Variants in UNC79 observed in about 807,000 individuals in gnomAD.
UNC79 encodes the protein unc-79 subunit of NALCN channel complex, also known as protein unc-79 homolog.
Under a neutral mutation model 283.1 loss-of-function variants are expected in UNC79, and 37 were observed. The observed-to-expected ratio is 0.13, with a 90% CI of 0.10 to 0.17. The LOEUF (loss-of-function observed/expected upper bound fraction) is 0.17. Ranked by LOEUF, UNC79 falls within the 10% of genes least tolerant of loss-of-function variation. UNC79 has a pLI of 1.00. For synonymous variants in UNC79, 1,107 were observed against 1,200.2 expected (o/e 0.92, Z 1.61); for missense variants, 2,272 against 3,211.1 (o/e 0.71, Z 7.07).
At chr14:93,659,333 G>A (rs2140415559) in intron 39 of UNC79, 72 bp downstream of exon 42, 2 of 1,242,814 alleles carry the variant, frequency 1.6e-6, no homozygotes, top group Non-Finnish European at 2.3e-6. Context: ...TAGGCTTGTA[G>A]CAATACTGAA....
chr14:93,674,585 T>C (rs1188218462), intron 41 of UNC79, among the ~76,000 whole-genome samples: 1 of 152,172 alleles, frequency 6.6e-6, no homozygotes, highest in African/African-American at 2.4e-5. Flanking sequence ...CACTCGCTGA[T>C]GAGCATTAAG....
At chr14:93,390,098 A>G (rs184866722) in intron 1 of UNC79, among the ~76,000 whole-genome samples, 29 of 152,364 alleles carry the variant, frequency 1.9e-4, no homozygotes, top group African/African-American at 4.3e-4. Context: ...CCAGTGACCT[A>G]TGAGAAGATA....
chr14:93,468,297 A>G (rs991788978), intron 2 of UNC79, among the ~76,000 whole-genome samples: 2 of 152,208 alleles, frequency 1.3e-5, no homozygotes, highest in Non-Finnish European at 2.9e-5. Context: ...ACAAGGAAAA[A>G]AAATAGGGCT....
At chr14:93,624,589 G>A (rs965162146) in intron 30 of UNC79, among the ~76,000 whole-genome samples, 1 of 152,176 alleles carries the variant, frequency 6.6e-6, no homozygotes, top group African/African-American at 2.4e-5. Context: ...ATGTTTGATT[G>A]TTCCCCAGAC....
chr14:93,339,466 A>G (rs2053653967), intron 1 of UNC79, among the ~76,000 whole-genome samples: 1 of 151,888 alleles, frequency 6.6e-6, no homozygotes, highest in South Asian at 2.1e-4. Context: ...CGCCCGGCTA[A>G]TTTTTTGTAT....
At chr14:93,656,952 A>G (rs1000502727) in intron 38 of UNC79, among the ~76,000 whole-genome samples, 4 of 152,240 alleles carry the variant, frequency 2.6e-5, no homozygotes, top group Non-Finnish European at 4.4e-5. Flanking sequence ...AACATAAGAT[A>G]CTTGATAAAG....
chr14:93,548,391 C>G (rs1010160474), intron 14 of UNC79, among the ~76,000 whole-genome samples: 1 of 152,164 alleles, frequency 6.6e-6, no homozygotes, highest in Non-Finnish European at 1.5e-5. Context: ...AGGTTTCACC[C>G]TAAGAACTTT....
chr14:93,417,130 A>G (rs1595450024), intron 1 of UNC79, among the ~76,000 whole-genome samples: 2 of 152,182 alleles, frequency 1.3e-5, no homozygotes, highest in South Asian at 2.1e-4. Flanking sequence ...TGGTCTTTAC[A>G]ATTTGGCATG....
chr14:93,375,780 A>G (rs1595403070), intron 1 of UNC79, among the ~76,000 whole-genome samples: 1 of 152,150 alleles, frequency 6.6e-6, no homozygotes, highest in Non-Finnish European at 1.5e-5. Flanking sequence ...GCACTAAACC[A>G]TTCATGACGG....
At chr14:93,394,101 G>C (rs1304711517) in intron 1 of UNC79, among the ~76,000 whole-genome samples, 1 of 151,876 alleles carries the variant, frequency 6.6e-6, no homozygotes, top group Non-Finnish European at 1.5e-5. Context: ...CAGTATTCTT[G>C]CTATGTTCTG....
At chr14:93,431,332 C>A (rs1399740126) in intron 1 of UNC79, among the ~76,000 whole-genome samples, 2 of 151,510 alleles carry the variant, frequency 1.3e-5, no homozygotes, top group Admixed American at 6.6e-5. Context: ...AAAATGGGGT[C>A]ATTCTCGGGA....
At chr14:93,442,273 T>C (rs995420017) in intron 1 of UNC79, among the ~76,000 whole-genome samples, 2 of 152,222 alleles carry the variant, frequency 1.3e-5, no homozygotes, top group Non-Finnish European at 2.9e-5. Flanking sequence ...GTTTTAATAC[T>C]TGTTTTGTTC....
chr14:93,675,669 A>G (rs1018983203), intron 41 of UNC79, among the ~76,000 whole-genome samples: 7 of 152,182 alleles, frequency 4.6e-5, no homozygotes, highest in African/African-American at 1.7e-4. Flanking sequence ...AGAGACTACA[A>G]ATCATTAGGA....
chr14:93,543,202 GTA>G (rs34597873), intron 14 of UNC79, among the ~76,000 whole-genome samples: 9 of 149,270 alleles, frequency 6.0e-5, no homozygotes, highest in African/African-American at 2.0e-4. Context: ...TTTTAATCAT[GTA>G]TATATATATA....
chr14:93,503,091 C>A (rs2059374806), intron 7 of UNC79, among the ~76,000 whole-genome samples: 6 of 152,130 alleles, frequency 3.9e-5, no homozygotes, highest in Admixed American at 3.9e-4. Context: ...TCTTACACCC[C>A]AAAGGTAACT....
At position 93,339,396 on chromosome 14, in the gene UNC79, T is replaced by C. The variant is rs2053651781; in HGVS notation, c.-351+5873T>C. Reference sequence around the variant, plus strand: ...CTCACTGCAAGCTCCACCTCCCGGGTTCACGCCATTCTCCTGCCTCAGCCT... The same window carrying C: ...CTCACTGCAAGCTCCACCTCCCGGGCTCACGCCATTCTCCTGCCTCAGCCT... On this transcript the variant is annotated intron_variant, in intron 1 of 49. Transcript: ENST00000256339. 2.0e-5 allele frequency among the ~76,000 whole-genome samples: 3 copies of C among 151,966 alleles called. No homozygotes were observed. The South Asian group carries it at 6.2e-4, about 32-fold the overall frequency.
chr14:93,641,659 C>T (rs1443143094), intron 33 of UNC79, among the ~76,000 whole-genome samples: 2 of 152,044 alleles, frequency 1.3e-5, no homozygotes, highest in African/African-American at 4.8e-5. Flanking sequence ...AAAAGCAAAA[C>T]AAAACAAAAC....
At chr14:93,459,052 C>T (rs1391059240) in intron 1 of UNC79, among the ~76,000 whole-genome samples, 4 of 152,186 alleles carry the variant, frequency 2.6e-5, no homozygotes, top group African/African-American at 7.2e-5. Context: ...AGTGCCGTGG[C>T]GTGATCTCAG....
At chr14:93,664,108 G>A (rs2071900710) in intron 40 of UNC79, among the ~76,000 whole-genome samples, 2 of 152,108 alleles carry the variant, frequency 1.3e-5, no homozygotes, top group Non-Finnish European at 2.9e-5. Flanking sequence ...CTTGTAGAAA[G>A]CTTTAGTTGA....
Sources: allele counts gnomAD v4.1 joint callset (sites outside exome capture counted in the v4.1 genomes callset), GRCh38; gene constraint gnomAD v4.1.1; transcripts MANE v1.5; gene names NCBI Gene and HGNC (gene_info 2026-07-23, HGNC 2026-07-21).